The following ESRRB variants were observed in gnomAD, a reference collection of about 807,000 sequenced individuals.
ESRRB encodes steroid hormone receptor ERR2.
ESRRB carries 16 observed loss-of-function variants against 46.0 expected under a neutral mutation model. That is an observed-to-expected ratio of 0.35 (90% CI 0.24 to 0.53). The LOEUF (loss-of-function observed/expected upper bound fraction) is 0.53, where lower values mean the gene tolerates loss of function less well. ESRRB is among the 20% of genes least tolerant of loss of function. ESRRB has a pLI of 0.93. For missense variants in ESRRB, 488 were observed against 607.4 expected (o/e 0.80, Z 2.07); for synonymous variants, 246 against 259.6 (o/e 0.95, Z 0.50).
chr14:76,341,213 G>A (rs982479391), intron 1 of ESRRB, among the ~76,000 whole-genome samples: 13 of 152,216 alleles, frequency 8.5e-5, no homozygotes, highest in African/African-American at 3.1e-4. Flanking sequence ...CAGAAGAGAA[G>A]CCTGCACAGT....
At chr14:76,393,469 T>C (rs561512043) in intron 1 of ESRRB, among the ~76,000 whole-genome samples, 1 of 152,364 alleles carries the variant, frequency 6.6e-6, no homozygotes, top group South Asian at 2.1e-4. Context: ...TTTTGGTCTA[T>C]AAGTGTATTT....
At chr14:76,453,166 A>AGAAG (rs1888465299) in intron 2 of ESRRB, among the ~76,000 whole-genome samples, 1 of 152,168 alleles carries the variant, frequency 6.6e-6, no homozygotes, top group African/African-American at 2.4e-5. Flanking sequence ...CTTTAGAAGG[A>AGAAG]GAAGGGTTGA....
intron 1 of ESRRB, among the ~76,000 whole-genome samples, chr14:76,354,267 C>T (rs1884351910): frequency 7.1e-6 from 1 of 141,528 alleles, no homozygotes; most frequent in East Asian, 2.3e-4. Flanking sequence ...TCTCCATGTG[C>T]CTGTCATTAG....
At chr14:76,461,598 T>TC (rs1269730969) in intron 2 of ESRRB, among the ~76,000 whole-genome samples, 1 of 151,684 alleles carries the variant, frequency 6.6e-6, no homozygotes, top group Non-Finnish European at 1.5e-5. Context: ...AACCTCTACC[T>TC]CCCGGGTTCA....
At chr14:76,385,003 C>A (rs1266336343) in intron 1 of ESRRB, among the ~76,000 whole-genome samples, 1 of 152,142 alleles carries the variant, frequency 6.6e-6, no homozygotes, top group Non-Finnish European at 1.5e-5. Context: ...CTGAAGCCTG[C>A]TCACCTACAG....
Position 76,498,718 on chromosome 14 carries a change from G to A in ESRRB, c.*260G>A, listed in dbSNP as rs780246418. ...GTATGTCTTTCCTTCTCCATGGACG[G>A]TGCGGAGGCCTGGGCCAGGGCTGAC... On this transcript the variant is annotated 3_prime_UTR_variant, in exon 7 of 7. Coordinates refer to ENST00000644823, the MANE Select transcript of ESRRB (RefSeq NM_001379180.1). 2.4e-6 allele frequency: 3 copies of A among 1,238,558 alleles called. No homozygotes were observed. The highest frequency in any genetic ancestry group is 1.5e-5 in the African/African-American group (1 of 67,484). 76.7% of individuals were successfully genotyped at this position (1,238,558 alleles called of 1,614,324 possible). A position where few individuals can be genotyped will look rare whatever the true frequency, so the allele number is the denominator to read the frequency against.
intron 2 of ESRRB, among the ~76,000 whole-genome samples, chr14:76,458,413 G>GTC (rs1266079845): frequency 2.1e-5 from 3 of 144,254 alleles, no homozygotes; most frequent in Admixed American, 7.1e-5. Context: ...AAATAATTAG[G>GTC]TCTCTCTCTC....
intron 2 of ESRRB, among the ~76,000 whole-genome samples, chr14:76,447,581 C>A (rs143525613): frequency 1.3e-5 from 2 of 152,118 alleles, no homozygotes; most frequent in African/African-American, 4.8e-5. Context: ...CCCAGTTGCA[C>A]GAAGTCTTAA....
chr14:76,464,742 A>G (rs1889035130), intron 3 of ESRRB, among the ~76,000 whole-genome samples: 1 of 152,186 alleles, frequency 6.6e-6, no homozygotes, highest in African/African-American at 2.4e-5. Flanking sequence ...GCTCCTGGAT[A>G]GGATGACCCA....
At chr14:76,351,986 T>TAAAAAAAAAAAAAAAAAAAAAAAAAAAAA in intron 1 of ESRRB, among the ~76,000 whole-genome samples, 1 of 91,792 alleles carries the variant, frequency 1.1e-5, no homozygotes, top group East Asian at 2.9e-4. Context: ...CCCAGTCTCT[T>TAAAAAAAAAAAAAAAAAAAAAAAAAAAAA]AAAAAAAAAA....
At chr14:76,456,526 A>G (rs1888623274) in intron 2 of ESRRB, among the ~76,000 whole-genome samples, 1 of 152,132 alleles carries the variant, frequency 6.6e-6, no homozygotes, top group African/African-American at 2.4e-5. Flanking sequence ...GGTATCAGGA[A>G]GTAGGATGAA....
At chr14:76,490,892 G>A (rs1890197108) in intron 5 of ESRRB, among the ~76,000 whole-genome samples, 1 of 152,190 alleles carries the variant, frequency 6.6e-6, no homozygotes, top group African/African-American at 2.4e-5. Flanking sequence ...CCCAGGCTAT[G>A]GTCACTGGGG....
chr14:76,483,594 C>T (rs763727817), intron 5 of ESRRB, among the ~76,000 whole-genome samples: 12 of 152,108 alleles, frequency 7.9e-5, no homozygotes, highest in Non-Finnish European at 1.8e-4. Flanking sequence ...ACACCAACAC[C>T]CATGTATTCT....
intron 1 of ESRRB, among the ~76,000 whole-genome samples, chr14:76,393,611 C>T (rs989421179): frequency 1.3e-5 from 2 of 152,138 alleles, no homozygotes; most frequent in Non-Finnish European, 2.9e-5. Flanking sequence ...AGAGAGGTCC[C>T]CTGGTCGGTG....
chr14:76,376,891 G>A lies in ESRRB; in HGVS notation c.50+440G>A, dbSNP rs1354171182. ...TTTGTTTTATTATTTCCATCCTGGG[G>A]ACCAAAAATGATCCCGGCAAGAGAG... On this transcript the variant is annotated intron_variant, in intron 1 of 6. Transcript: ENST00000644823. This position sits in a 1 kb window ranked among gnomAD's most constrained non-coding sequence, Gnocchi z 4.1. Among the ~76,000 whole-genome samples, 1 of 152,132 alleles carries A rather than the reference G, an allele frequency of 6.6e-6. No individual in the cohort carries two copies. The highest frequency in any genetic ancestry group is 1.5e-5 in the Non-Finnish European group (1 of 68,022).
intron 1 of ESRRB, among the ~76,000 whole-genome samples, chr14:76,437,323 C>T (rs373076427): frequency 6.6e-5 from 10 of 152,322 alleles, no homozygotes; most frequent in South Asian, 6.2e-4. Context: ...TGAGCCACCA[C>T]GCCCAGCCAG....
intron 1 of ESRRB, among the ~76,000 whole-genome samples, chr14:76,363,256 T>C (rs1195605009): frequency 1.3e-5 from 2 of 152,216 alleles, no homozygotes; most frequent in Non-Finnish European, 2.9e-5. Context: ...TGCTGAGGAA[T>C]TTATTTTACC....
At chr14:76,365,372 G>A (rs1884508104) in intron 1 of ESRRB, among the ~76,000 whole-genome samples, 2 of 152,180 alleles carry the variant, frequency 1.3e-5, no homozygotes, top group African/African-American at 2.4e-5. Flanking sequence ...CCAGCTACAC[G>A]GGAGGCTGAG....
chr14:76,327,186 C>A (rs1028943347), intron 1 of ESRRB, among the ~76,000 whole-genome samples: 2 of 152,242 alleles, frequency 1.3e-5, no homozygotes, highest in South Asian at 4.1e-4. Flanking sequence ...GCCTGGTGTC[C>A]TGGTGTCTCT....
Sources: allele counts gnomAD v4.1 joint callset (sites outside exome capture counted in the v4.1 genomes callset), GRCh38; gene constraint gnomAD v4.1.1; non-coding constraint Gnocchi (gnomAD v3.1); transcripts MANE v1.5; gene names NCBI Gene and HGNC (gene_info 2026-07-23, HGNC 2026-07-21).